CCBE1: variants seen among roughly 807,000 people sequenced by gnomAD.
CCBE1 encodes collagen and calcium-binding EGF domain-containing protein 1.
Under a neutral mutation model 50.0 loss-of-function variants are expected in CCBE1, and 37 were observed. The ratio of observed to expected loss-of-function variants is 0.74; its 90% CI spans 0.57 to 0.97. CCBE1 has a LOEUF of 0.97. CCBE1 is among the 50% of genes least tolerant of loss of function. CCBE1 has a pLI of 0.00. For missense variants in CCBE1, 538 were observed against 523.8 expected (o/e 1.03, Z -0.26); for synonymous variants, 234 against 203.7 (o/e 1.15, Z -1.27).
intron 2 of CCBE1, among the ~76,000 whole-genome samples, chr18:59,519,665 CTTTAG>C (rs1197147075): frequency 1.3e-5 from 2 of 152,300 alleles, no homozygotes; most frequent in East Asian, 3.9e-4. Context: ...TGCAGAAGCT[CTTTAG>C]TTTAATTAGA....
chr18:59,696,460 G>A (rs1370929022), intron 2 of CCBE1, 169 bp downstream of exon 2: 2 of 1,482,202 alleles, frequency 1.3e-6, no homozygotes, highest in East Asian at 5.1e-5. Flanking sequence ...CTCTGACTCC[G>A]ATCCAACCAA....
At chr18:59,517,096 G>A (rs1406277520) in intron 2 of CCBE1, among the ~76,000 whole-genome samples, 2 of 152,222 alleles carry the variant, frequency 1.3e-5, no homozygotes, top group Non-Finnish European at 2.9e-5. Flanking sequence ...GTGTGGCACA[G>A]CAGGTGGGAC....
rs201927739 is a variant in CCBE1 at position 59,542,181 on chromosome 18, A to AAAG, written c.213-61944_213-61943insCTT. On this transcript the variant is annotated intron_variant, in intron 2 of 10. Coordinates refer to ENST00000439986, the MANE Select transcript of CCBE1 (RefSeq NM_133459.4). ...AGAGTGAGATCCTGTCTCAAAAAAA[A>AAAG]AAAAAAAATTCCCTACAATTAGAGC... 6.0e-3 allele frequency among the ~76,000 whole-genome samples: 915 copies of AAAG among 151,752 alleles called. 17 individuals are homozygous for AAAG. Among genetic ancestry groups the AAAG allele is most frequent in the African/African-American group, 0.021 (871 of 41,300 alleles).
intron 2 of CCBE1, among the ~76,000 whole-genome samples, chr18:59,561,388 C>G (rs1040356435): frequency 6.6e-6 from 1 of 152,188 alleles, no homozygotes; most frequent in Non-Finnish European, 1.5e-5. Flanking sequence ...CTATGTCTCC[C>G]TCAGCCTAGG....
chr18:59,601,010 G>GTTTTTTTTTTTTTTTTTT lies in CCBE1; in HGVS notation c.212+95601_212+95618dup, dbSNP rs71177045. Among the ~76,000 whole-genome samples the GTTTTTTTTTTTTTTTTTT allele has an allele frequency of 1.2e-4, 7 of 58,004 alleles. 2 individuals are homozygous for GTTTTTTTTTTTTTTTTTT. The highest frequency in any genetic ancestry group is 2.5e-4 in the Non-Finnish European group (7 of 28,344). 38.1% of individuals were successfully genotyped at this position (58,004 alleles called of 152,430 possible). On this transcript the variant is annotated intron_variant, in intron 2 of 10. Coordinates refer to ENST00000439986, the MANE Select transcript of CCBE1 (RefSeq NM_133459.4). The stretch of plus-strand genomic sequence containing the variant: ...GATCTATTTTATTAGCTATGTGTCA[G>GTTTTTTTTTTTTTTTTTT]TTTTTTTTTTTTTTTTTTTTTTTTT...
At position 59,676,625 on chromosome 18, in the gene CCBE1, C is replaced by T. The variant is rs540236927; in HGVS notation, c.212+20004G>A. On this transcript the variant is annotated intron_variant, in intron 2 of 10. Transcript: ENST00000439986. ...GCAACATCAGGAACCGTACTGGACA[C>T]GGGGCATACAAAAATGAGACAGATC... Among the ~76,000 whole-genome samples the T allele has an allele frequency of 4.9e-4, 74 of 152,246 alleles. 1 individual carries two copies. The highest frequency in any genetic ancestry group is 1.6e-3 in the African/African-American group (65 of 41,550).
chr18:59,506,889 C>A (rs1913900502), intron 2 of CCBE1, among the ~76,000 whole-genome samples: 1 of 152,180 alleles, frequency 6.6e-6, no homozygotes, highest in African/African-American at 2.4e-5. Context: ...TATTAGTCTC[C>A]CCAGATATAG....
At chr18:59,578,877 A>G (rs1411927600) in intron 2 of CCBE1, among the ~76,000 whole-genome samples, 2 of 152,184 alleles carry the variant, frequency 1.3e-5, no homozygotes, top group Non-Finnish European at 2.9e-5. Context: ...GCAGCAAACC[A>G]CCATGGCACG....
chr18:59,466,389 T>C (rs1911743898), intron 5 of CCBE1, among the ~76,000 whole-genome samples: 1 of 152,108 alleles, frequency 6.6e-6, no homozygotes, highest in Admixed American at 6.6e-5. Context: ...GCTCCTCCTT[T>C]GCCTTCCACC....
chr18:59,461,438 T>C (rs1911469870), intron 5 of CCBE1, among the ~76,000 whole-genome samples: 1 of 152,138 alleles, frequency 6.6e-6, no homozygotes, highest in African/African-American at 2.4e-5. Flanking sequence ...TGTGTATGAA[T>C]TGCTTCCCTC....
At chr18:59,545,133 T>C (rs1598997869) in intron 2 of CCBE1, among the ~76,000 whole-genome samples, 1 of 152,182 alleles carries the variant, frequency 6.6e-6, no homozygotes, top group Non-Finnish European at 1.5e-5. Context: ...AGAGAAAGGT[T>C]CCATGAGCAG....
At chr18:59,512,936 C>T (rs79910730) in intron 2 of CCBE1, among the ~76,000 whole-genome samples, 8 of 151,994 alleles carry the variant, frequency 5.3e-5, no homozygotes, top group Admixed American at 2.0e-4. Flanking sequence ...AGCACCTCTA[C>T]GACAGGAGGG....
chr18:59,610,972 C>A (rs561300120), intron 2 of CCBE1, among the ~76,000 whole-genome samples: 1 of 152,366 alleles, frequency 6.6e-6, no homozygotes, highest in East Asian at 1.9e-4. Flanking sequence ...AGCCCATGCC[C>A]TTTGAATCAG....
chr18:59,587,343 C>T (rs1379997893), intron 2 of CCBE1, among the ~76,000 whole-genome samples: 1 of 152,086 alleles, frequency 6.6e-6, no homozygotes, highest in Non-Finnish European at 1.5e-5. Flanking sequence ...ACACTGAAAA[C>T]AATAAAAAGG....
intron 2 of CCBE1, among the ~76,000 whole-genome samples, chr18:59,549,946 T>C (rs1008704182): frequency 6.6e-6 from 1 of 152,192 alleles, no homozygotes; most frequent in Non-Finnish European, 1.5e-5. Flanking sequence ...AAGGATACAA[T>C]AGAGGACCTT....
chr18:59,578,647 G>A (rs2053037645), intron 2 of CCBE1, among the ~76,000 whole-genome samples: 1 of 152,188 alleles, frequency 6.6e-6, no homozygotes, highest in Non-Finnish European at 1.5e-5. Flanking sequence ...GTCCTTTGCA[G>A]GGACATGAAG....
chr18:59,573,093 A>AGGCCAGCAT (rs1398599317), intron 2 of CCBE1, among the ~76,000 whole-genome samples: 1 of 151,606 alleles, frequency 6.6e-6, no homozygotes, highest in African/African-American at 2.4e-5. Flanking sequence ...AGGACCAGGC[A>AGGCCAGCAT]GGCCAGCATG....
At chr18:59,652,478 C>CT (rs1216168352) in intron 2 of CCBE1, among the ~76,000 whole-genome samples, 4 of 108,882 alleles carry the variant, frequency 3.7e-5, no homozygotes, top group Non-Finnish European at 9.0e-5. Context: ...ACTGACTCCC[C>CT]CCCTTTTTTT....
intron 2 of CCBE1, among the ~76,000 whole-genome samples, chr18:59,552,481 AGCCTACATCTAGGTTTTG>A (rs1276455883): frequency 1.3e-5 from 2 of 152,172 alleles, no homozygotes; most frequent in Non-Finnish European, 2.9e-5. Flanking sequence ...TCCTCCCACT[AGCCTACATCTAGGTTTTG>A]GCAGCACCTG....
Sources: gnomAD v4.1 joint callset for allele counts (sites outside exome capture counted in the v4.1 genomes callset) on GRCh38, gnomAD v4.1.1 for gene constraint, MANE v1.5 for transcripts, NCBI Gene and HGNC (gene_info 2026-07-23, HGNC 2026-07-21) for gene names.